The following AWAT2 variants were observed in gnomAD, a reference collection of about 807,000 sequenced individuals.
AWAT2 encodes acyl-CoA wax alcohol acyltransferase 2, also known as 11-cis-RE-synthase.
A neutral mutation model predicts 22.3 loss-of-function variants in AWAT2; 9 were observed. The observed-to-expected ratio is 0.40, with a 90% CI of 0.24 to 0.70. AWAT2 has a LOEUF of 0.70. AWAT2 is among the 30% of genes least tolerant of loss of function. The pLI, the probability that AWAT2 is intolerant of heterozygous loss-of-function variation, is 0.36. For missense variants in AWAT2, 217 were observed against 265.9 expected (o/e 0.82, Z 1.28); for synonymous variants, 100 against 93.4 (o/e 1.07, Z -0.40).
At chrX:70,049,818 T>G in intron 1 of AWAT2, 30 bp downstream of exon 1, 1 of 1,206,977 alleles carries the variant, frequency 8.3e-7, no homozygotes, top group Non-Finnish European at 1.1e-6. Context: ...CCAGGATGGT[T>G]GGTCACCCTA....
Position 70,042,405 on chromosome X carries a change from T to C in AWAT2, c.648-19A>G. 8.3e-7 allele frequency: 1 copy of C among 1,199,118 alleles called. No individual in the cohort carries two copies. Among genetic ancestry groups the C allele is most frequent in the South Asian group, 1.8e-5 (1 of 56,594 alleles). On this transcript the variant is annotated intron_variant, in intron 5 of 7. Transcript: ENST00000276101. Reference sequence around the variant, plus strand: ...AGGCACCCTGCAGAGCAAAAGCATATCTTCTGAAGCCCAGAAAGGTAGGGA... The same window carrying C: ...AGGCACCCTGCAGAGCAAAAGCATACCTTCTGAAGCCCAGAAAGGTAGGGA...
chrX:70,047,865 C>T lies in AWAT2; in HGVS notation c.85+1983G>A, dbSNP rs369748103. ...CCTCTTAGTATACCCCGAAGTCAAA[C>T]TCCAGTTAAGAGTCCTCTGAGTCCA... On this transcript the variant is annotated intron_variant, in intron 1 of 7. Coordinates refer to ENST00000276101, the MANE Select transcript of AWAT2 (RefSeq NM_001002254.1). Among the ~76,000 whole-genome samples the T allele has an allele frequency of 1.1e-4, 12 of 110,697 alleles. No homozygotes were observed. In the East Asian group the frequency reaches 1.2e-3, roughly 11 times the overall value.
chrX:70,041,972 G>C lies in AWAT2; in HGVS notation c.848-10C>G. The C allele has an allele frequency of 8.3e-7, 1 of 1,209,263 alleles. No individual in the cohort carries two copies. The highest frequency in any genetic ancestry group is 1.1e-6 in the Non-Finnish European group (1 of 893,550). ...GGTAGAGGCTCCCCGACTGCCAGGG[G>C]AGACAGTGAAGGAAAAGGGAAAAGC... On this transcript the variant is annotated splice_polypyrimidine_tract_variant and intron_variant, in intron 6 of 7. Transcript: ENST00000276101.
At chrX:70,044,304 G>A (rs1006195235) in intron 2 of AWAT2, 48 bp downstream of exon 2, 3 of 1,193,560 alleles carry the variant, frequency 2.5e-6, no homozygotes, top group Non-Finnish European at 3.4e-6. Flanking sequence ...TGAGAGAAGG[G>A]GAAAGAGCAT....
intron 5 of AWAT2, 54 bp downstream of exon 5, chrX:70,043,012 CTTT>C (rs1386635025): frequency 2.2e-6 from 2 of 928,390 alleles, no homozygotes; most frequent in African/African-American, 4.3e-5. Context: ...CCCTCTTCTT[CTTT>C]CCCTGCAACA....
intron 7 of AWAT2, 75 bp downstream of exon 7, chrX:70,041,698 G>A (rs1340313776): frequency 1.2e-6 from 1 of 807,920 alleles, no homozygotes; most frequent in African/African-American, 2.1e-5. Context: ...TCCCCATAAG[G>A]AGGACTGGTC....
At chrX:70,049,722 T>C (rs1191118437) in intron 1 of AWAT2, 126 bp downstream of exon 1, 47 of 831,907 alleles carry the variant, frequency 5.6e-5, no homozygotes, top group Non-Finnish European at 6.7e-5. Context: ...GAGGCTGGTG[T>C]TACCAACCTT....
At chrX:70,045,684 C>T (rs1484850745) in intron 1 of AWAT2, among the ~76,000 whole-genome samples, 2 of 111,693 alleles carry the variant, frequency 1.8e-5, no homozygotes, top group Non-Finnish European at 3.8e-5. Flanking sequence ...AATTATTAAT[C>T]AAGTATAGAA....
At chrX:70,044,313 A>G (rs765295433) in intron 2 of AWAT2, 39 bp downstream of exon 2, 4 of 1,199,031 alleles carry the variant, frequency 3.3e-6, no homozygotes, top group Non-Finnish European at 4.5e-6. Context: ...GGGAAAGAGC[A>G]TGTGGCATGT....
At chrX:70,042,970 C>T in intron 5 of AWAT2, 99 bp downstream of exon 5, 1 of 767,860 alleles carries the variant, frequency 1.3e-6, no homozygotes, top group African/African-American at 2.3e-5. Context: ...TATACTTCCT[C>T]CTCTCTCTGT....
chrX:70,042,992 C>T, intron 5 of AWAT2, 77 bp downstream of exon 5: 1 of 912,830 alleles, frequency 1.1e-6, no homozygotes, highest in Non-Finnish European at 1.4e-6. Context: ...GATGTCCTTT[C>T]ATCAAAACCC....
At chrX:70,043,431 T>C in intron 4 of AWAT2, 47 bp downstream of exon 4, 2 of 1,133,320 alleles carry the variant, frequency 1.8e-6, no homozygotes, top group Non-Finnish European at 2.4e-6. Context: ...AATTCTCCCT[T>C]GGGGAGCCAT....
At position 70,043,088 on chromosome X, in the gene AWAT2, G is replaced by T. The variant is rs762323805; in HGVS notation, c.628C>A (p.Arg210Ser). The change falls in exon 5 of 8, where the codon CGC becomes AGC. Residue 210 changes from arginine (R) to serine (S), a missense_variant. Transcript: ENST00000276101. ...LVLKNRSGFV[R>S]MALQHGVPLI... ...CCTTACCCATGCTGAAGGGCCATGCGCACAAAGCCAGACCGGTTCTTCAAC... is the reference window on the plus strand; with the variant it reads ...CCTTACCCATGCTGAAGGGCCATGCTCACAAAGCCAGACCGGTTCTTCAAC... 1 of 1,192,713 alleles carries T rather than the reference G, an allele frequency of 8.4e-7. No individual in the cohort carries two copies.
intron 1 of AWAT2, among the ~76,000 whole-genome samples, chrX:70,048,023 C>T (rs969574551): frequency 2.8e-5 from 3 of 107,306 alleles, no homozygotes; most frequent in Non-Finnish European, 5.8e-5. Context: ...GTGCCCCCAC[C>T]CCCCATCTTC....
rs928485256 is a variant in AWAT2, at chrX:70,040,651, T to C, written c.*1007A>G. On this transcript the variant is annotated 3_prime_UTR_variant, in exon 8 of 8. Coordinates refer to ENST00000276101, the MANE Select transcript of AWAT2 (RefSeq NM_001002254.1). ...CATGTCTTTGGCCACTGTATACAAA[T>C]CATCACATGAGGCAGGCACCCAGGA... is the stretch of plus-strand genomic sequence containing the variant. The C allele has an allele frequency of 8.9e-6, 1 of 112,141 alleles. No homozygotes were observed. Among genetic ancestry groups the C allele is most frequent in the Non-Finnish European group, 1.9e-5 (1 of 53,270 alleles). 9.2% of individuals were successfully genotyped at this position (112,141 alleles called of 1,213,427 possible). A position where few individuals can be genotyped will look rare whatever the true frequency, so the allele number is the denominator to read the frequency against.
At chrX:70,047,478 C>T (rs1168664887) in intron 1 of AWAT2, among the ~76,000 whole-genome samples, 1 of 111,853 alleles carries the variant, frequency 8.9e-6, no homozygotes, top group Non-Finnish European at 1.9e-5. Flanking sequence ...CTGCTCAAAC[C>T]TAGGCAGTGC....
At chrX:70,049,816 G>T (rs757612942) in intron 1 of AWAT2, 32 bp downstream of exon 1, 24 of 1,205,052 alleles carry the variant, frequency 2.0e-5, no homozygotes, top group African/African-American at 5.3e-5. Context: ...AGCCAGGATG[G>T]TTGGTCACCC....
intron 1 of AWAT2, among the ~76,000 whole-genome samples, chrX:70,047,659 G>C (rs961072420): frequency 1.8e-5 from 2 of 111,821 alleles, no homozygotes; most frequent in Non-Finnish European, 3.8e-5. Flanking sequence ...TATTGGGAGG[G>C]CCTTCTCTCA....
Position 70,043,198 on chromosome X carries a change from T to C in AWAT2, c.518A>G (p.His173Arg), listed in dbSNP as rs780389677. The change falls in exon 5 of 8, where the codon CAT (histidine) becomes CGT (arginine). Residue 173 changes from histidine (H) to arginine (R), a missense_variant. By Grantham distance (29) the His-to-Arg change is conservative. Transcript: ENST00000276101. The part of the protein sequence containing the change: ...SRSSIDFLLT[H>R]KGTGNMVIVV... ...AATGACCATGTTGCCTGTGCCTTTA[T>C]GAGTCAGCAGAAAGTCAATGGAGGA... 8.3e-7 allele frequency: 1 copy of C among 1,207,851 alleles called. No homozygotes were observed. Among genetic ancestry groups the C allele is most frequent in the South Asian group, 1.8e-5 (1 of 55,629 alleles).
Sources: allele counts gnomAD v4.1 joint callset (sites outside exome capture counted in the v4.1 genomes callset), GRCh38; gene constraint gnomAD v4.1.1; transcripts MANE v1.5; gene names NCBI Gene and HGNC (gene_info 2026-07-23, HGNC 2026-07-21).